CTNNA2: variants seen among roughly 807,000 people sequenced by gnomAD.
CTNNA2 encodes the protein catenin alpha-2.
In CTNNA2, 42 loss-of-function variants were observed where a neutral mutation model predicts 101.0. The ratio of observed to expected loss-of-function variants is 0.42; its 90% CI spans 0.32 to 0.54. The LOEUF (loss-of-function observed/expected upper bound fraction) is 0.54, where lower values mean the gene tolerates loss of function less well. Among genes scored for constraint, CTNNA2 ranks in the 20% least tolerant of loss-of-function variants. The pLI is 0.14. For missense variants in CTNNA2, 871 were observed against 1,223.1 expected, an observed-to-expected ratio of 0.71 and a Z score of 4.29; for synonymous variants, 450 against 456.4, an observed-to-expected ratio of 0.99 and a Z score of 0.18.
At chr2:79,539,812 G>A (rs1470094134) in intron 1 of CTNNA2, among the ~76,000 whole-genome samples, 2 of 152,104 alleles carry the variant, frequency 1.3e-5, no homozygotes, top group Non-Finnish European at 2.9e-5. Flanking sequence ...AATTAGGGGG[G>A]CTGTGCATTT....
chr2:79,404,610 G>GTC (rs1678322920), intron 4 of CTNNA2, among the ~76,000 whole-genome samples: 1 of 152,118 alleles, frequency 6.6e-6, no homozygotes, highest in African/African-American at 2.4e-5. Flanking sequence ...TGACTTAAAA[G>GTC]CACAACTTCT....
At chr2:79,397,893 C>T in intron 4 of CTNNA2, among the ~76,000 whole-genome samples, 1 of 151,994 alleles carries the variant, frequency 6.6e-6, no homozygotes, top group Admixed American at 6.6e-5. Flanking sequence ...CTTCCTAATA[C>T]CTTCATTTCC....
At chr2:79,222,730 T>C (rs1384691976) in intron 2 of CTNNA2, among the ~76,000 whole-genome samples, 1 of 152,098 alleles carries the variant, frequency 6.6e-6, no homozygotes, top group African/African-American at 2.4e-5. Context: ...AATATTTATG[T>C]CCCTCCTATA....
At chr2:80,577,914 T>G (rs112007837) in intron 13 of CTNNA2, among the ~76,000 whole-genome samples, 5,202 of 152,284 alleles carry the variant, frequency 0.034, 315 homozygotes, top group African/African-American at 0.12. Flanking sequence ...GAGAAAATAC[T>G]GAAGGATTCA....
intron 7 of CTNNA2, among the ~76,000 whole-genome samples, chr2:79,976,181 A>T (rs552762598): frequency 1.3e-5 from 2 of 152,214 alleles, no homozygotes; most frequent in Non-Finnish European, 2.9e-5. Context: ...GGAAAATTTT[A>T]TAAGCTTTTC....
At chr2:79,550,486 T>C (rs1674030688) in intron 1 of CTNNA2, among the ~76,000 whole-genome samples, 1 of 152,102 alleles carries the variant, frequency 6.6e-6, no homozygotes, top group Admixed American at 6.6e-5. Flanking sequence ...TCACACCACA[T>C]CATCCACTCC....
intron 7 of CTNNA2, among the ~76,000 whole-genome samples, chr2:79,931,853 A>T (rs962201820): frequency 6.6e-6 from 1 of 152,194 alleles, no homozygotes; most frequent in African/African-American, 2.4e-5. Context: ...AAACATGGGA[A>T]TCCAGGGATT....
At chr2:79,829,126 T>C (rs555241483) in intron 3 of CTNNA2, among the ~76,000 whole-genome samples, 5 of 152,274 alleles carry the variant, frequency 3.3e-5, no homozygotes, top group African/African-American at 1.2e-4. Flanking sequence ...AAAAGGAACA[T>C]GTTATCCTTA....
At chr2:79,786,280 ATAATT>A (rs200204007) in intron 3 of CTNNA2, among the ~76,000 whole-genome samples, 2,937 of 120,426 alleles carry the variant, frequency 0.024, 83 homozygotes, top group African/African-American at 0.074. Flanking sequence ...GGTGGAAAGA[ATAATT>A]TAATTAAGAT....
In CTNNA2 at chr2:79,951,687, T is replaced by TTAAAA. The variant is rs145883822; in HGVS notation, c.1056+41914_1056+41918dup. 4.3e-3 allele frequency among the ~76,000 whole-genome samples: 374 copies of TTAAAA among 86,874 alleles called. 3 individuals are homozygous for TTAAAA. The highest frequency in any genetic ancestry group is 0.012 in the African/African-American group (330 of 26,710). 57.0% of individuals were successfully genotyped at this position (86,874 alleles called of 152,430 possible). On this transcript the variant is annotated intron_variant, in intron 7 of 18. Transcript: ENST00000402739. ...CTCAAAAATTAAAAAATAAGATAAG[T>TTAAAA]TAAAATAAAATAAAATAAAATAAAA...
intron 8 of CTNNA2, among the ~76,000 whole-genome samples, chr2:80,396,121 T>A (rs1159262503): frequency 6.6e-6 from 1 of 152,182 alleles, no homozygotes. Context: ...TCAAGATTAA[T>A]TGAATATAAA....
At chr2:79,997,495 G>A (rs750439686) in intron 7 of CTNNA2, among the ~76,000 whole-genome samples, 13 of 152,092 alleles carry the variant, frequency 8.5e-5, no homozygotes. Flanking sequence ...TTTCTGTGGG[G>A]TCTGGCATAA....
chr2:80,579,623 C>A (rs2149714167), intron 13 of CTNNA2: 1 of 152,264 alleles, frequency 6.6e-6, no homozygotes, highest in African/African-American at 2.4e-5. Flanking sequence ...TTCTTCTCTC[C>A]TTATTTTAAT....
At chr2:79,902,629 CTT>C (rs111234732) in intron 6 of CTNNA2, among the ~76,000 whole-genome samples, 162 of 142,200 alleles carry the variant, frequency 1.1e-3, no homozygotes, top group East Asian at 4.9e-3. Flanking sequence ...TCTTCCTCTT[CTT>C]TTTTTTTTTT....
At chr2:80,556,504 T>C (rs774375270) in intron 12 of CTNNA2, among the ~76,000 whole-genome samples, 1 of 152,186 alleles carries the variant, frequency 6.6e-6, no homozygotes, top group Admixed American at 6.5e-5. Context: ...TTCAGGGGCA[T>C]GTGGCTGCTC....
intron 2 of CTNNA2, among the ~76,000 whole-genome samples, chr2:79,306,183 A>C (rs1336107801): frequency 6.6e-6 from 1 of 152,206 alleles, no homozygotes; most frequent in Non-Finnish European, 1.5e-5. Flanking sequence ...ATCTAAAGAA[A>C]TTGAACTCAC....
At chr2:80,198,045 G>T (rs1212997574) in intron 7 of CTNNA2, among the ~76,000 whole-genome samples, 1 of 152,168 alleles carries the variant, frequency 6.6e-6, no homozygotes. Flanking sequence ...CACAATATAA[G>T]AAAACATTTA....
intron 3 of CTNNA2, among the ~76,000 whole-genome samples, chr2:79,855,836 A>G (rs1054038130): frequency 1.3e-5 from 2 of 152,332 alleles, no homozygotes; most frequent in African/African-American, 4.8e-5. Context: ...GTCTAGCTCT[A>G]CTTGTGGCAC....
intron 7 of CTNNA2, among the ~76,000 whole-genome samples, chr2:80,251,594 T>C (rs889795488): frequency 3.3e-5 from 5 of 152,306 alleles, no homozygotes; most frequent in Admixed American, 6.5e-5. Flanking sequence ...ATCCTAACTT[T>C]CTACAGGTGA....
Sources: allele counts gnomAD v4.1 joint callset (sites outside exome capture counted in the v4.1 genomes callset), GRCh38; gene constraint gnomAD v4.1.1; transcripts MANE v1.5; gene names NCBI Gene and HGNC (gene_info 2026-07-23, HGNC 2026-07-21).